The following DNAH6 variants were observed in gnomAD, a reference collection of about 807,000 sequenced individuals.
DNAH6 encodes dynein axonemal heavy chain 6, also known as axonemal beta dynein heavy chain 6.
In DNAH6, 340 loss-of-function variants were observed where a neutral mutation model predicts 491.4. The observed-to-expected ratio is 0.69, with a 90% confidence interval of 0.63 to 0.76. The LOEUF is 0.76. Ranked by LOEUF, DNAH6 falls within the 30% of genes least tolerant of loss-of-function variation. The pLI, the probability that DNAH6 is intolerant of heterozygous loss-of-function variation, is 0.00. For missense variants in DNAH6, 4,443 were observed against 4,972.2 expected, an observed-to-expected ratio of 0.89 and a Z score of 3.20; for synonymous variants, 1,603 against 1,686.1, an observed-to-expected ratio of 0.95 and a Z score of 1.21.
At chr2:84,514,107 G>T (rs1412856282), upstream of DNAH6, among the ~76,000 whole-genome samples, 1 of 152,094 alleles carries the variant, frequency 6.6e-6, no homozygotes, top group Non-Finnish European at 1.5e-5. Flanking sequence ...ATAGGCATTT[G>T]TACCCACAGC....
At chr2:84,471,108 A>G in the DNAH6 span, among the ~76,000 whole-genome samples, 1 of 152,226 alleles carries the variant, frequency 6.6e-6, no homozygotes, top group East Asian at 1.9e-4. Context: ...CACATTCCAG[A>G]GGACATTATG....
intron 70 of DNAH6, among the ~76,000 whole-genome samples, chr2:84,801,223 G>A (rs1438333133): frequency 4.8e-5 from 7 of 145,278 alleles, no homozygotes; most frequent in African/African-American, 1.8e-4. Context: ...ATGTGCACAT[G>A]TACCCTAAAA....
intron 42 of DNAH6, among the ~76,000 whole-genome samples, chr2:84,684,141 TTCC>T (rs1259510563): frequency 6.6e-6 from 1 of 152,216 alleles, no homozygotes; most frequent in Non-Finnish European, 1.5e-5. Flanking sequence ...TTGTTTTCTC[TTCC>T]TCCACTGAAA....
the DNAH6 span, among the ~76,000 whole-genome samples, chr2:84,507,428 C>T: frequency 6.6e-6 from 1 of 152,340 alleles, no homozygotes; most frequent in East Asian, 1.9e-4. Context: ...TAACCTGAGA[C>T]TTTGCTGAAG....
Position 84,518,099 on chromosome 2 carries a change from T to C in DNAH6, c.225+48T>C, listed in dbSNP as rs1226326892. ...TAGCCTCTGTAGCCACAGAGGAAGT[T>C]GTAAAATTGCTTTGGAGGATAGAAG... On this transcript the variant is annotated intron_variant, in intron 2 of 76. Coordinates refer to ENST00000389394, the MANE Select transcript of DNAH6 (RefSeq NM_001370.2). The C allele has an allele frequency of 2.1e-6, 3 of 1,412,766 alleles. No homozygotes were observed. In the African/African-American group the frequency reaches 4.4e-5, roughly 21 times the overall value. The allele number at this position is 1,412,766 out of a possible 1,614,324, so 87.5% of individuals were successfully genotyped here.
chr2:84,497,416 A>G, the DNAH6 span, among the ~76,000 whole-genome samples: 2 of 152,308 alleles, frequency 1.3e-5, no homozygotes, highest in African/African-American at 2.4e-5. Context: ...GAAAATTCAC[A>G]TGCAAGTGTT....
At chr2:84,577,143 C>T in intron 12 of DNAH6, 114 bp from the exon 13 acceptor site, 2 of 588,090 alleles carry the variant, frequency 3.4e-6, no homozygotes, top group Middle Eastern at 4.5e-4. Flanking sequence ...CAGATAATAA[C>T]ATTATACATA....
intron 4 of DNAH6, among the ~76,000 whole-genome samples, chr2:84,539,278 T>C (rs962535623): frequency 2.6e-5 from 4 of 152,094 alleles, no homozygotes; most frequent in Admixed American, 6.6e-5. Context: ...CAGTTAGATC[T>C]AGACTCCAGA....
chr2:84,774,221 A>G (rs1472729382), intron 64 of DNAH6, among the ~76,000 whole-genome samples: 12 of 152,226 alleles, frequency 7.9e-5, no homozygotes, highest in African/African-American at 2.4e-4. Flanking sequence ...TCTTTAATCC[A>G]TCTGGAGTTA....
intron 61 of DNAH6, among the ~76,000 whole-genome samples, chr2:84,732,320 C>G (rs1479122149): frequency 2.0e-4 from 30 of 151,942 alleles, no homozygotes; most frequent in Non-Finnish European, 1.5e-5. Context: ...TATGTCTGCA[C>G]AAAAAGCTGG....
At chr2:84,599,762 G>A (rs7604739) in intron 18 of DNAH6, among the ~76,000 whole-genome samples, 105 of 151,996 alleles carry the variant, frequency 6.9e-4, no homozygotes, top group African/African-American at 2.5e-3. Context: ...TCTTAATTAC[G>A]ATAGCTAGTA....
intron 45 of DNAH6, among the ~76,000 whole-genome samples, chr2:84,692,419 AG>A (rs1335135213): frequency 1.3e-3 from 1 of 756 alleles, no homozygotes; most frequent in African/African-American, 4.8e-3. Flanking sequence ...TAAATAAGGT[AG>A]ATAGATAGAT....
In DNAH6 at chr2:84,808,415, A is replaced by C. The variant is rs1436283624; in HGVS notation, c.11612A>C (p.Glu3871Ala). ...LVASVQTRVP[E>A]KLEMEGASES... Reference sequence around the variant, plus strand: ...TGAGGAATCGCTGTGTATGTTTCAGAAAAACTGGAAATGGAGGGTGCTTCT... The same window carrying C: ...TGAGGAATCGCTGTGTATGTTTCAGCAAAACTGGAAATGGAGGGTGCTTCT... The change falls in exon 72 of 77, where the codon GAA (glutamate) becomes GCA (alanine). Residue 3871 changes from glutamate to alanine, a missense_variant and splice_region_variant. Physicochemically the swap from Glu to Ala is moderately radical, Grantham distance 107. Transcript: ENST00000389394. The C allele has an allele frequency of 4.6e-6, 7 of 1,530,560 alleles. No individual in the cohort carries two copies. The East Asian group carries it at 9.8e-5, about 21-fold the overall frequency. The allele number at this position is 1,530,560 out of a possible 1,614,324, so 94.8% of individuals were successfully genotyped here.
the DNAH6 span, among the ~76,000 whole-genome samples, chr2:84,479,214 A>G: frequency 6.6e-6 from 1 of 152,250 alleles, no homozygotes; most frequent in East Asian, 1.9e-4. Context: ...GTGGTTTTAG[A>G]AAAGGCAACA....
At chr2:84,745,350 A>G (rs1672862490) in intron 63 of DNAH6, 101 bp downstream of exon 63, 1 of 950,854 alleles carries the variant, frequency 1.1e-6, no homozygotes, top group Non-Finnish European at 1.5e-6. Context: ...AACAATGGCC[A>G]AGTTTGGGAG....
At chr2:84,797,412 A>G in intron 69 of DNAH6, 125 bp from the exon 70 acceptor site, 1 of 851,560 alleles carries the variant, frequency 1.2e-6, no homozygotes, top group Non-Finnish European at 1.8e-6. Context: ...AGGAAAAACA[A>G]TCCCCCTTTC....
chr2:84,487,398 T>C, the DNAH6 span, among the ~76,000 whole-genome samples: 9 of 152,282 alleles, frequency 5.9e-5, no homozygotes, highest in East Asian at 1.5e-3. Context: ...ACTAGAATAA[T>C]ATGAACCCTG....
intron 68 of DNAH6, among the ~76,000 whole-genome samples, chr2:84,792,003 C>T (rs769075288): frequency 6.6e-6 from 1 of 152,048 alleles, no homozygotes; most frequent in Non-Finnish European, 1.5e-5. Flanking sequence ...TATAAATGGA[C>T]ACAGAGAGTA....
chr2:84,789,716 T>C (rs1677561960), intron 68 of DNAH6, among the ~76,000 whole-genome samples: 1 of 152,216 alleles, frequency 6.6e-6, no homozygotes, highest in Non-Finnish European at 1.5e-5. Flanking sequence ...GGAAAATGCC[T>C]AAGAACACTT....
Sources: gnomAD v4.1 joint callset for allele counts (sites outside exome capture counted in the v4.1 genomes callset) on GRCh38, gnomAD v4.1.1 for gene constraint, MANE v1.5 for transcripts, NCBI Gene and HGNC (gene_info 2026-07-23, HGNC 2026-07-21) for gene names.